PSD3: variants seen among roughly 807,000 people sequenced by gnomAD.
PSD3 encodes pleckstrin and Sec7 domain containing 3, also known as PH and SEC7 domain-containing protein 3.
PSD3 carries 49 observed loss-of-function variants against 105.5 expected under a neutral mutation model. The ratio of observed to expected loss-of-function variants is 0.46; its 90% confidence interval spans 0.37 to 0.59. PSD3 has a LOEUF of 0.59. PSD3 is among the 20% of genes least tolerant of loss of function. The pLI, the probability that PSD3 is intolerant of heterozygous loss-of-function variation, is 0.00. For synonymous variants in PSD3, 557 were observed against 457.8 expected, an observed-to-expected ratio of 1.22 and a Z score of -2.77; for missense variants, 1,561 against 1,263.8, an observed-to-expected ratio of 1.24 and a Z score of -3.57.
At chr8:18,742,043 C>T (rs1029034372) in intron 9 of PSD3, among the ~76,000 whole-genome samples, 27 of 151,940 alleles carry the variant, frequency 1.8e-4, no homozygotes, top group Admixed American at 7.9e-4. Context: ...ATAATGCTTT[C>T]GACATTTTCA....
intron 9 of PSD3, among the ~76,000 whole-genome samples, chr8:18,702,502 T>C (rs1801642229): frequency 6.6e-6 from 1 of 152,218 alleles, no homozygotes; most frequent in Admixed American, 6.5e-5. Flanking sequence ...TACACAACAA[T>C]GTGCAATGAT....
intron 9 of PSD3, among the ~76,000 whole-genome samples, chr8:18,698,948 C>T (rs1011738240): frequency 2.0e-5 from 3 of 152,078 alleles, no homozygotes; most frequent in Non-Finnish European, 4.4e-5. Flanking sequence ...GATAGTAAAT[C>T]TGTATTAATA....
chr8:19,009,929 T>A (rs1255214394), intron 1 of PSD3, among the ~76,000 whole-genome samples: 3 of 152,052 alleles, frequency 2.0e-5, no homozygotes, highest in African/African-American at 7.3e-5. Context: ...AACAAGAAAC[T>A]TAGAAAATGC....
chr8:18,758,707 A>G (rs1806262523), intron 9 of PSD3, among the ~76,000 whole-genome samples: 1 of 152,124 alleles, frequency 6.6e-6, no homozygotes. Flanking sequence ...GAGTCTGTTT[A>G]AATTCTACCT....
intron 9 of PSD3, among the ~76,000 whole-genome samples, chr8:18,757,228 G>A (rs528465443): frequency 2.4e-4 from 36 of 150,614 alleles, no homozygotes; most frequent in African/African-American, 8.3e-4. Flanking sequence ...CGAGGTGGGT[G>A]GATCATTTGA....
intron 11 of PSD3, among the ~76,000 whole-genome samples, chr8:18,621,165 C>T (rs1190505577): frequency 1.3e-5 from 2 of 152,058 alleles, no homozygotes; most frequent in African/African-American, 2.4e-5. Context: ...CCCAGCACTT[C>T]GGGAGGCTGA....
intron 1 of PSD3, among the ~76,000 whole-genome samples, chr8:19,048,593 C>G (rs1352013358): frequency 4.6e-5 from 7 of 152,160 alleles, no homozygotes; most frequent in Admixed American, 1.3e-4. Flanking sequence ...TCCAAGTTAT[C>G]AAGATGGCCA....
intron 12 of PSD3, among the ~76,000 whole-genome samples, chr8:18,577,272 C>G (rs886379043): frequency 6.6e-6 from 1 of 151,944 alleles, no homozygotes; most frequent in Non-Finnish European, 1.5e-5. Context: ...AGAATATGGT[C>G]TAGAAAATCT....
chr8:18,851,899 A>C (rs958910266), intron 4 of PSD3, among the ~76,000 whole-genome samples: 2 of 152,222 alleles, frequency 1.3e-5, no homozygotes, highest in African/African-American at 4.8e-5. Context: ...TATTCCTTTC[A>C]TAATATCTTT....
intron 1 of PSD3, among the ~76,000 whole-genome samples, chr8:19,019,375 C>G (rs182383232): frequency 6.6e-6 from 1 of 152,086 alleles, no homozygotes; most frequent in Non-Finnish European, 1.5e-5. Flanking sequence ...ATTATCAATT[C>G]TCAAGCAATC....
In PSD3 at chr8:18,662,693, C is replaced by G. The variant is rs575655543; in HGVS notation, c.2173-7008G>C. ...CTTCCAGATCTACTATTTTACAATTCAGCTTGAGAAAGACCTTAGCTATCA... is the reference window on the plus strand; with the variant it reads ...CTTCCAGATCTACTATTTTACAATTGAGCTTGAGAAAGACCTTAGCTATCA... On this transcript the variant is annotated intron_variant, in intron 9 of 15. Transcript: ENST00000327040. 3.3e-5 allele frequency among the ~76,000 whole-genome samples: 5 copies of G among 152,284 alleles called. No individual in the cohort carries two copies. In the South Asian group the frequency reaches 1.0e-3, roughly 32 times the overall value.
chr8:18,856,697 T>C (rs1330540232), intron 4 of PSD3, among the ~76,000 whole-genome samples: 1 of 152,214 alleles, frequency 6.6e-6, no homozygotes, highest in African/African-American at 2.4e-5. Context: ...TAAAAGAAAC[T>C]ATCATTAAAC....
chr8:19,028,729 A>G (rs955014953), intron 1 of PSD3, among the ~76,000 whole-genome samples: 8 of 152,116 alleles, frequency 5.3e-5, no homozygotes, highest in African/African-American at 1.9e-4. Flanking sequence ...GGTTTGTGCT[A>G]TGTTGTGTCC....
At chr8:19,041,707 G>A (rs1186150978) in intron 1 of PSD3, among the ~76,000 whole-genome samples, 1 of 152,190 alleles carries the variant, frequency 6.6e-6, no homozygotes, top group Non-Finnish European at 1.5e-5. Context: ...TCAAATAGAT[G>A]ACACAAGACT....
chr8:18,572,400 A>C, intron 14 of PSD3, 128 bp downstream of exon 14: 2 of 1,128,054 alleles, frequency 1.8e-6, no homozygotes, highest in South Asian at 3.1e-5. Flanking sequence ...CATTTATATG[A>C]TACGCTCTCA....
chr8:18,647,502 A>G (rs763533759), intron 10 of PSD3, among the ~76,000 whole-genome samples: 8 of 152,250 alleles, frequency 5.3e-5, no homozygotes, highest in Non-Finnish European at 1.0e-4. Context: ...AGAGTTAAAA[A>G]GAACAAATGT....
At chr8:18,927,786 C>G (rs547772946) in intron 2 of PSD3, among the ~76,000 whole-genome samples, 1 of 152,288 alleles carries the variant, frequency 6.6e-6, no homozygotes, top group African/African-American at 2.4e-5. Flanking sequence ...TATGAGCACA[C>G]AAGAAGACAT....
intron 8 of PSD3, among the ~76,000 whole-genome samples, chr8:18,791,169 T>G (rs559480600): frequency 5.9e-5 from 9 of 152,318 alleles, no homozygotes; most frequent in African/African-American, 2.2e-4. Flanking sequence ...AATTTATAGA[T>G]TCAATGCTAT....
At chr8:19,028,491 G>C (rs1221452362) in intron 1 of PSD3, among the ~76,000 whole-genome samples, 1 of 151,894 alleles carries the variant, frequency 6.6e-6, no homozygotes, top group Non-Finnish European at 1.5e-5. Context: ...GAAGCGCTGG[G>C]ATTATGGATG....
Sources: gnomAD v4.1 joint callset for allele counts (sites outside exome capture counted in the v4.1 genomes callset) on GRCh38, gnomAD v4.1.1 for gene constraint, MANE v1.5 for transcripts, NCBI Gene and HGNC (gene_info 2026-07-23, HGNC 2026-07-21) for gene names.